TNIK: variants seen among roughly 807,000 people sequenced by gnomAD.
TNIK encodes TRAF2 and NCK-interacting protein kinase.
A neutral mutation model predicts 191.3 loss-of-function variants in TNIK; 49 were observed. That is an observed-to-expected ratio of 0.26 (90% CI 0.20 to 0.32). TNIK has a LOEUF of 0.32. TNIK is among the 10% of genes least tolerant of loss of function. The probability of loss-of-function intolerance (pLI) is 1.00; values close to 1 mark genes in which losing one functional copy is unlikely to be tolerated. For synonymous variants in TNIK, 594 were observed against 600.9 expected, an observed-to-expected ratio of 0.99 and a Z score of 0.17; for missense variants, 1,155 against 1,702.3, an observed-to-expected ratio of 0.68 and a Z score of 5.66.
intron 23 of TNIK, 71 bp from the exon 24 acceptor site, chr3:171,087,577 C>A: frequency 6.4e-7 from 1 of 1,560,022 alleles, no homozygotes; most frequent in Non-Finnish European, 8.7e-7. Context: ...TCAGCCCTCA[C>A]ACAGCATAGG....
chr3:171,245,043 TAGAAACCCTCA>T (rs1195598150), intron 2 of TNIK, among the ~76,000 whole-genome samples: 2 of 152,146 alleles, frequency 1.3e-5, no homozygotes, highest in African/African-American at 4.8e-5. Context: ...CCAATACTCT[TAGAAACCCTCA>T]AGAAATACAG....
At chr3:171,226,690 G>T (rs1034021412) in intron 3 of TNIK, among the ~76,000 whole-genome samples, 2 of 150,598 alleles carry the variant, frequency 1.3e-5, no homozygotes, top group Admixed American at 6.6e-5. Context: ...CAAATAAAAA[G>T]AATTAGTACT....
At chr3:171,293,875 T>C (rs1008684292) in intron 2 of TNIK, among the ~76,000 whole-genome samples, 1 of 152,082 alleles carries the variant, frequency 6.6e-6, no homozygotes, top group African/African-American at 2.4e-5. Flanking sequence ...AGACCAAGAC[T>C]TCCAGACCAG....
At chr3:171,312,692 C>T (rs936833334) in intron 2 of TNIK, among the ~76,000 whole-genome samples, 1 of 152,140 alleles carries the variant, frequency 6.6e-6, no homozygotes, top group African/African-American at 2.4e-5. Context: ...CAGTTTCCTT[C>T]ATCTATGGTG....
At chr3:171,227,686 G>A (rs986439225) in intron 3 of TNIK, among the ~76,000 whole-genome samples, 5 of 152,142 alleles carry the variant, frequency 3.3e-5, no homozygotes, top group African/African-American at 1.2e-4. Flanking sequence ...AGTGGGGAAA[G>A]ATATTAGATA....
chr3:171,173,985 T>C (rs1277557653), intron 9 of TNIK, among the ~76,000 whole-genome samples: 2 of 152,090 alleles, frequency 1.3e-5, no homozygotes, highest in Non-Finnish European at 2.9e-5. Flanking sequence ...GGGAGGGCTG[T>C]TGCTGGGGAG....
chr3:171,139,778 G>A (rs961014457), intron 13 of TNIK, among the ~76,000 whole-genome samples: 24 of 152,156 alleles, frequency 1.6e-4, no homozygotes, highest in Admixed American at 4.6e-4. Flanking sequence ...AGCTGACTGC[G>A]ATGTCTCGGC....
intron 1 of TNIK, among the ~76,000 whole-genome samples, chr3:171,399,795 C>T (rs1035172680): frequency 6.6e-6 from 1 of 152,056 alleles, no homozygotes; most frequent in African/African-American, 2.4e-5. Flanking sequence ...ATCTGAGTGA[C>T]ATTATAGTGA....
intron 15 of TNIK, among the ~76,000 whole-genome samples, chr3:171,130,506 T>G (rs2108589723): frequency 6.6e-6 from 1 of 152,298 alleles, no homozygotes; most frequent in South Asian, 2.1e-4. Context: ...TGCGAAGTAT[T>G]ACATCAGCAA....
rs563598062 is a variant in TNIK at position 171,345,445 on chromosome 3, T to G, written c.123+24175A>C. On this transcript the variant is annotated intron_variant, in intron 2 of 32. Transcript: ENST00000436636. ...GGTGAAAACACCGAGTTTTTTTTTT[T>G]TCTTTACTTTTGCCACATGACAACA... Among the ~76,000 whole-genome samples, 20 of 152,282 alleles carry G rather than the reference T, an allele frequency of 1.3e-4. No individual in the cohort carries two copies. The East Asian group carries it at 3.3e-3, about 25-fold the overall frequency.
Position 171,182,622 on chromosome 3 carries a change from G to C in TNIK, c.640-5242C>G, listed in dbSNP as rs555964615. The stretch of plus-strand genomic sequence containing the variant: ...GAGAGACAAATTCTAGTGCCTTTGG[G>C]AAGGCAGAGGCAAGACAGAACTTTT... On this transcript the variant is annotated intron_variant, in intron 7 of 32. Transcript: ENST00000436636. 9.8e-5 allele frequency among the ~76,000 whole-genome samples: 15 copies of C among 152,322 alleles called. No homozygotes were observed. The South Asian group carries it at 2.1e-3, about 21-fold the overall frequency.
intron 1 of TNIK, among the ~76,000 whole-genome samples, chr3:171,379,699 T>C (rs761268686): frequency 2.0e-5 from 3 of 152,140 alleles, no homozygotes; most frequent in Admixed American, 6.5e-5. Flanking sequence ...TCAGCTCTTC[T>C]AAAAAAGTCT....
chr3:171,354,320 A>C (rs1343722127), intron 2 of TNIK, among the ~76,000 whole-genome samples: 1 of 152,212 alleles, frequency 6.6e-6, no homozygotes, highest in Non-Finnish European at 1.5e-5. Flanking sequence ...GCCACGGAGA[A>C]GTAGTTGAGT....
At chr3:171,452,644 C>A (rs1400479152) in intron 1 of TNIK, among the ~76,000 whole-genome samples, 1 of 152,038 alleles carries the variant, frequency 6.6e-6, no homozygotes, top group Admixed American at 6.6e-5. Context: ...CAGAAGCACA[C>A]CCTTTCCCGC....
At chr3:171,387,563 A>G (rs1011596791) in intron 1 of TNIK, among the ~76,000 whole-genome samples, 7 of 152,332 alleles carry the variant, frequency 4.6e-5, no homozygotes, top group Admixed American at 2.0e-4. Flanking sequence ...AAATGCTTTT[A>G]TGAGATAAGA....
chr3:171,309,600 C>T (rs1019700213), intron 2 of TNIK, among the ~76,000 whole-genome samples: 7 of 152,122 alleles, frequency 4.6e-5, no homozygotes, highest in African/African-American at 1.7e-4. Context: ...CTCCCAATTA[C>T]TGATCTTACA....
intron 28 of TNIK, among the ~76,000 whole-genome samples, chr3:171,079,080 C>T (rs1162407478): frequency 6.6e-6 from 1 of 152,174 alleles, no homozygotes; most frequent in East Asian, 1.9e-4. Flanking sequence ...AGTTCCTGGG[C>T]CTTTCCAGGT....
chr3:171,442,095 A>G (rs1023771544), intron 1 of TNIK, among the ~76,000 whole-genome samples: 1 of 152,244 alleles, frequency 6.6e-6, no homozygotes, highest in Non-Finnish European at 1.5e-5. Context: ...CATGCAACTC[A>G]AATAAAAATG....
At chr3:171,251,701 T>G (rs1382313142) in intron 2 of TNIK, among the ~76,000 whole-genome samples, 1 of 152,222 alleles carries the variant, frequency 6.6e-6, no homozygotes, top group African/African-American at 2.4e-5. Context: ...TAGCAAAACT[T>G]GTACTCAAAA....
Sources: allele counts gnomAD v4.1 joint callset (sites outside exome capture counted in the v4.1 genomes callset), GRCh38; gene constraint gnomAD v4.1.1; transcripts MANE v1.5; gene names NCBI Gene and HGNC (gene_info 2026-07-23, HGNC 2026-07-21).